Variants in SPATA18 observed in about 807,000 individuals in gnomAD.
The protein encoded by SPATA18 is mitochondria-eating protein.
SPATA18 carries 54 observed loss-of-function variants against 68.1 expected under a neutral mutation model. The ratio of observed to expected loss-of-function variants is 0.79; its 90% CI spans 0.64 to 0.99. SPATA18 has a LOEUF of 0.99. SPATA18 is among the 50% of genes least tolerant of loss of function. SPATA18 has a pLI of 0.00. For synonymous variants in SPATA18, 242 were observed against 244.8 expected, an observed-to-expected ratio of 0.99 and a Z score of 0.11; for missense variants, 724 against 681.1, an observed-to-expected ratio of 1.06 and a Z score of -0.70.
At chr4:52,067,678 T>C (rs936367223) in intron 4 of SPATA18, among the ~76,000 whole-genome samples, 2 of 152,212 alleles carry the variant, frequency 1.3e-5, no homozygotes, top group Admixed American at 6.5e-5. Context: ...AAGGTCTTTC[T>C]TCTCTCCTTT....
At position 52,066,695 on chromosome 4, in the gene SPATA18, CTCCCTGTG is replaced by C. The variant is rs199592200; in HGVS notation, c.423-3116_423-3109del. Among the ~76,000 whole-genome samples the C allele has an allele frequency of 2.4e-3, 371 of 152,260 alleles. 8 individuals carry two copies. The highest frequency in any genetic ancestry group is 0.021 in the Admixed American group (328 of 15,288). On this transcript the variant is annotated intron_variant, in intron 4 of 12. Transcript: ENST00000295213. ...ACAGAGCCCAGTGTGTATTGTTCCC[CTCCCTGTG>C]TCCCTGTGTTCCCGTTGTTCAGCTC...
chr4:52,075,148 C>A (rs1444302369), intron 6 of SPATA18, among the ~76,000 whole-genome samples: 2 of 152,098 alleles, frequency 1.3e-5, no homozygotes, highest in Non-Finnish European at 2.9e-5. Context: ...ACTCATTTTT[C>A]TGATGATGCT....
intron 1 of SPATA18, among the ~76,000 whole-genome samples, chr4:52,053,011 G>T (rs1451498824): frequency 6.6e-6 from 1 of 152,092 alleles, no homozygotes; most frequent in African/African-American, 2.4e-5. Flanking sequence ...AAAAGACTTG[G>T]GTTCCCCCCA....
At chr4:52,059,436 A>T (rs1203757893) in intron 1 of SPATA18, among the ~76,000 whole-genome samples, 1 of 152,238 alleles carries the variant, frequency 6.6e-6, no homozygotes, top group East Asian at 1.9e-4. Flanking sequence ...TTATGTTGAA[A>T]TGGTAGAATC....
At position 52,095,710 on chromosome 4, in the gene SPATA18, A is replaced by G. The variant is rs1302011702; in HGVS notation, c.*823A>G. ...GTTATATATAAAAGTTTCTTGGGAC[A>G]TGCTCTTCACCTGTTCTACCTAGTT... On this transcript the variant is annotated 3_prime_UTR_variant, in exon 13 of 13. Coordinates refer to ENST00000295213, the MANE Select transcript of SPATA18 (RefSeq NM_145263.4). 6.6e-6 allele frequency: 1 copy of G among 152,180 alleles called. No individual in the cohort carries two copies. Among genetic ancestry groups the G allele is most frequent in the Non-Finnish European group, 1.5e-5 (1 of 68,038 alleles). The allele number at this position is 152,180 out of a possible 1,614,324, so 9.4% of individuals were successfully genotyped here.
At chr4:52,069,424 A>C (rs1341881798) in intron 4 of SPATA18, among the ~76,000 whole-genome samples, 2 of 152,226 alleles carry the variant, frequency 1.3e-5, no homozygotes, top group Non-Finnish European at 2.9e-5. Flanking sequence ...CAAAGCAATA[A>C]AAATCGATGT....
chr4:52,094,857 G>C, intron 12 of SPATA18, 23 bp from the exon 13 acceptor site: 1 of 1,613,760 alleles, frequency 6.2e-7, no homozygotes, highest in African/African-American at 1.3e-5. Context: ...CCATAATAAT[G>C]AACTGTCTAT....
At chr4:52,061,129 C>T (rs1363284885) in intron 3 of SPATA18, among the ~76,000 whole-genome samples, 3 of 152,138 alleles carry the variant, frequency 2.0e-5, no homozygotes, top group Admixed American at 2.0e-4. Context: ...TCTGGGCAAC[C>T]AAAACATTAG....
At chr4:52,093,753 A>G (rs1348068621) in intron 11 of SPATA18, among the ~76,000 whole-genome samples, 1 of 152,172 alleles carries the variant, frequency 6.6e-6, no homozygotes, top group Admixed American at 6.5e-5. Flanking sequence ...AGAATCCCCT[A>G]TACCTTCTCT....
At chr4:52,059,252 G>T (rs535420759) in intron 1 of SPATA18, among the ~76,000 whole-genome samples, 2 of 152,268 alleles carry the variant, frequency 1.3e-5, no homozygotes, top group Non-Finnish European at 2.9e-5. Context: ...GTTTCTATCT[G>T]CCTTGTACGC....
chr4:52,083,900 C>T (rs1316790865), intron 10 of SPATA18, among the ~76,000 whole-genome samples: 6 of 151,726 alleles, frequency 4.0e-5, no homozygotes, highest in Admixed American at 2.0e-4. Flanking sequence ...GCCACCATGC[C>T]CAGCTAATTT....
intron 6 of SPATA18, among the ~76,000 whole-genome samples, chr4:52,074,536 T>C (rs115778606): frequency 0.014 from 2,207 of 152,236 alleles, 49 homozygotes; most frequent in African/African-American, 0.049. Context: ...CCGACATTGG[T>C]TATATCATTC....
Position 52,094,963 on chromosome 4 carries a change from T to A in SPATA18, c.*76T>A, listed in dbSNP as rs770762178. ...CCAGTGCCGCCATCTGTCTTCTGTG[T>A]CTGCCTCAGACCTCACTTAAGATAA... On this transcript the variant is annotated 3_prime_UTR_variant, in exon 13 of 13. Transcript: ENST00000295213. The A allele has an allele frequency of 4.4e-5, 68 of 1,554,224 alleles. No homozygotes were observed. Among genetic ancestry groups the A allele is most frequent in the Non-Finnish European group, 6.0e-5 (68 of 1,125,644 alleles).
At position 52,094,911 on chromosome 4, in the gene SPATA18, C is replaced by G; in HGVS notation, c.*24C>G. 6.2e-7 allele frequency: 1 copy of G among 1,613,988 alleles called. No individual in the cohort carries two copies. Among genetic ancestry groups the G allele is most frequent in the Non-Finnish European group, 8.5e-7 (1 of 1,179,894 alleles). ...AAAAGCACCAGACCTGCTCCTTTGA[C>G]CCAGTGCGTGGAAACAGCTGCTTTC... On this transcript the variant is annotated 3_prime_UTR_variant, in exon 13 of 13. Coordinates refer to ENST00000295213, the MANE Select transcript of SPATA18 (RefSeq NM_145263.4).
chr4:52,081,732 C>T (rs1440675755), intron 9 of SPATA18, among the ~76,000 whole-genome samples: 1 of 152,106 alleles, frequency 6.6e-6, no homozygotes, highest in African/African-American at 2.4e-5. Context: ...TTTTTAGACT[C>T]AATTATAGGA....
chr4:52,093,952 A>G (rs937005010), intron 11 of SPATA18, among the ~76,000 whole-genome samples: 10 of 152,266 alleles, frequency 6.6e-5, no homozygotes, highest in African/African-American at 1.9e-4. Context: ...ATTTTTGCCT[A>G]TGTGGGGGTC....
At chr4:52,065,117 G>GT (rs1000795987) in intron 4 of SPATA18, among the ~76,000 whole-genome samples, 6 of 151,014 alleles carry the variant, frequency 4.0e-5, no homozygotes, top group African/African-American at 1.5e-4. Context: ...CTTTTTAATG[G>GT]TTTTTTTTCT....
chr4:52,090,104 C>T (rs1741804526), intron 11 of SPATA18, among the ~76,000 whole-genome samples: 1 of 152,034 alleles, frequency 6.6e-6, no homozygotes, highest in African/African-American at 2.4e-5. Flanking sequence ...GATTGCAACC[C>T]CTGCTTTTTT....
chr4:52,069,772 G>T, intron 4 of SPATA18, 49 bp from the exon 5 acceptor site: 1 of 1,419,960 alleles, frequency 7.0e-7, no homozygotes, highest in Non-Finnish European at 9.5e-7. Flanking sequence ...GATTTAGAAA[G>T]TCTGCCAATT....
Sources: gnomAD v4.1 joint callset for allele counts (sites outside exome capture counted in the v4.1 genomes callset) on GRCh38, gnomAD v4.1.1 for gene constraint, MANE v1.5 for transcripts, NCBI Gene and HGNC (gene_info 2026-07-23, HGNC 2026-07-21) for gene names.